PAMR1: variants seen among roughly 807,000 people sequenced by gnomAD.
PAMR1 encodes inactive serine protease PAMR1.
In PAMR1, 88 loss-of-function variants were observed where a neutral mutation model predicts 81.8. That is an observed-to-expected ratio of 1.08 (90% CI 0.91 to 1.28). The LOEUF is 1.28. Among genes scored for constraint, PAMR1 ranks in the 50% most tolerant of loss-of-function variants. PAMR1 has a pLI of 0.00. For missense variants in PAMR1, 935 were observed against 919.7 expected (o/e 1.02, Z -0.21); for synonymous variants, 336 against 345.3 (o/e 0.97, Z 0.30).
intron 6 of PAMR1, among the ~76,000 whole-genome samples, chr11:35,449,759 T>C (rs750022170): frequency 1.3e-5 from 2 of 152,174 alleles, no homozygotes; most frequent in Non-Finnish European, 2.9e-5. Flanking sequence ...TCTCCTCATC[T>C]GTGGGTTGCA....
rs149860685 is a variant in PAMR1 at position 35,504,495 on chromosome 11, G to A, written c.74-10223C>T. The stretch of plus-strand genomic sequence containing the variant: ...ATGTTTGGTAGAATTCAGCAGTGAA[G>A]CCATCAGATGGTCCTGGGCTTTTCT... On this transcript the variant is annotated intron_variant, in intron 1 of 10. Transcript: ENST00000619888. Among the ~76,000 whole-genome samples, 1,217 of 152,116 alleles carry A rather than the reference G, an allele frequency of 8.0e-3. 18 individuals are homozygous for A. Among genetic ancestry groups the A allele is most frequent in the African/African-American group, 0.028 (1,158 of 41,544 alleles).
chr11:35,449,423 G>A (rs374553719), intron 6 of PAMR1, among the ~76,000 whole-genome samples: 2 of 152,178 alleles, frequency 1.3e-5, no homozygotes, highest in Admixed American at 6.5e-5. Flanking sequence ...TGGAGTTGCC[G>A]GAATTCCTGA....
intron 1 of PAMR1, among the ~76,000 whole-genome samples, chr11:35,497,164 C>G (rs1850741380): frequency 6.6e-6 from 1 of 151,898 alleles, no homozygotes; most frequent in African/African-American, 2.4e-5. Flanking sequence ...AGACTCTTGT[C>G]TGAAAATAAT....
chr11:35,514,554 T>C (rs914951875), intron 1 of PAMR1, among the ~76,000 whole-genome samples: 1 of 152,234 alleles, frequency 6.6e-6, no homozygotes, highest in Non-Finnish European at 1.5e-5. Flanking sequence ...CCAGTTGCCA[T>C]TATCCTCAAC....
rs1851369287 is a variant in PAMR1, at chr11:35,525,510, T to C, written c.73+3A>G. 1 of 1,613,430 alleles carries C rather than the reference T, an allele frequency of 6.2e-7. No homozygotes were observed. The highest frequency in any genetic ancestry group is 1.3e-5 in the African/African-American group (1 of 75,010). Reference sequence around the variant, plus strand: ...AGGGTGTCCCGGACGCTACTCACAGTACCTCTTGGCAAGGACGAGATGAGA... The same window carrying C: ...AGGGTGTCCCGGACGCTACTCACAGCACCTCTTGGCAAGGACGAGATGAGA... On this transcript the variant is annotated splice_donor_region_variant and intron_variant, in intron 1 of 10. Transcript: ENST00000619888.
chr11:35,451,999 C>T, intron 6 of PAMR1: 1 of 597,886 alleles, frequency 1.7e-6, no homozygotes, highest in Non-Finnish European at 3.0e-6. Context: ...CTTGTAGCAG[C>T]CCAAACTGAC....
intron 1 of PAMR1, among the ~76,000 whole-genome samples, chr11:35,509,454 C>G (rs1851034468): frequency 6.6e-6 from 1 of 152,150 alleles, no homozygotes; most frequent in Non-Finnish European, 1.5e-5. Flanking sequence ...GTTCCAGAAA[C>G]TAGGATTTAG....
upstream of PAMR1, chr11:35,525,828 C>G (rs1851377058): frequency 5.3e-6 from 3 of 562,698 alleles, no homozygotes; most frequent in Non-Finnish European, 9.5e-6. Context: ...TGTGGCCACG[C>G]CTGGAGACCC....
chr11:35,498,652 GC>G (rs1295199001), intron 1 of PAMR1, among the ~76,000 whole-genome samples: 2 of 152,118 alleles, frequency 1.3e-5, no homozygotes, highest in Non-Finnish European at 2.9e-5. Flanking sequence ...CTCTGCCCCA[GC>G]CCACAAGGCC....
chr11:35,439,074 T>C (rs972467887), intron 8 of PAMR1, among the ~76,000 whole-genome samples: 1 of 151,744 alleles, frequency 6.6e-6, no homozygotes, highest in African/African-American at 2.4e-5. Flanking sequence ...AAGAAATGAG[T>C]AGAAAGGGGC....
chr11:35,470,623 A>T lies in PAMR1; in HGVS notation c.690T>A (p.His230Gln). 6.2e-7 allele frequency: 1 copy of T among 1,614,156 alleles called. No individual in the cohort carries two copies. The highest frequency in any genetic ancestry group is 1.1e-5 in the South Asian group (1 of 91,080). ...TACCTGTGATCTCCTCATAAATGGCATGGAAACCGTCAAAATTCTTGGAGC... is the reference window on the plus strand; with the variant it reads ...TACCTGTGATCTCCTCATAAATGGCTTGGAAACCGTCAAAATTCTTGGAGC... ...SDGSKNFDGF[H>Q]AIYEEITACS... Residue 230 changes from histidine to glutamine, a missense_variant, in exon 5 of 11, where the codon CAT becomes CAA. By Grantham distance (24) the His-to-Gln change is conservative (BLOSUM62 0). Coordinates refer to ENST00000619888, the MANE Select transcript of PAMR1 (RefSeq NM_001001991.3).
chr11:35,459,091 C>T (rs979650447), intron 6 of PAMR1, among the ~76,000 whole-genome samples: 1 of 152,120 alleles, frequency 6.6e-6, no homozygotes, highest in African/African-American at 2.4e-5. Flanking sequence ...TGAAATTATG[C>T]TTGGATTGCA....
At chr11:35,438,144 C>G (rs1856091567) in intron 8 of PAMR1, among the ~76,000 whole-genome samples, 1 of 152,158 alleles carries the variant, frequency 6.6e-6, no homozygotes, top group Non-Finnish European at 1.5e-5. Flanking sequence ...CATACGGGAG[C>G]AGACCAGGAA....
Position 35,508,374 on chromosome 11 carries a change from C to T in PAMR1, c.74-14102G>A, listed in dbSNP as rs541311385. On this transcript the variant is annotated intron_variant, in intron 1 of 10. Transcript: ENST00000619888. The stretch of plus-strand genomic sequence containing the variant: ...CAGAGTTTTTTCACTTCTCTGTGGC[C>T]CTTGAAACTCAGTCATCCCCATATT... Among the ~76,000 whole-genome samples, 6 of 152,080 alleles carry T rather than the reference C, an allele frequency of 3.9e-5. No homozygotes were observed. In the East Asian group the frequency reaches 1.2e-3, roughly 29 times the overall value.
intron 6 of PAMR1, among the ~76,000 whole-genome samples, chr11:35,467,082 A>T (rs187085385): frequency 6.6e-6 from 1 of 151,976 alleles, no homozygotes; most frequent in Non-Finnish European, 1.5e-5. Context: ...CCCGCACCCA[A>T]TGACTGATTG....
chr11:35,497,510 G>A (rs1850749272), intron 1 of PAMR1, among the ~76,000 whole-genome samples: 2 of 152,176 alleles, frequency 1.3e-5, no homozygotes, highest in Non-Finnish European at 2.9e-5. Flanking sequence ...CACAATCACA[G>A]GAATCTAATT....
intron 1 of PAMR1, among the ~76,000 whole-genome samples, chr11:35,520,352 C>G (rs1241715089): frequency 6.6e-6 from 1 of 152,232 alleles, no homozygotes; most frequent in South Asian, 2.1e-4. Context: ...AACTCCAATT[C>G]TCTGCCTTCC....
upstream of PAMR1, among the ~76,000 whole-genome samples, chr11:35,528,433 G>A (rs1851423525): frequency 6.6e-6 from 1 of 152,120 alleles, no homozygotes; most frequent in South Asian, 2.1e-4. Context: ...GAAGCTCAAA[G>A]TCCTTTTTGT....
chr11:35,521,609 C>T (rs537498222), intron 1 of PAMR1, among the ~76,000 whole-genome samples: 1 of 152,308 alleles, frequency 6.6e-6, no homozygotes, highest in South Asian at 2.1e-4. Context: ...CACAGTCTCC[C>T]TCTTTGCCAC....
Sources: gnomAD v4.1 joint callset for allele counts (sites outside exome capture counted in the v4.1 genomes callset) on GRCh38, gnomAD v4.1.1 for gene constraint, MANE v1.5 for transcripts, NCBI Gene and HGNC (gene_info 2026-07-23, HGNC 2026-07-21) for gene names.